The following PRIM2 variants were observed in gnomAD, a reference collection of about 807,000 sequenced individuals.
PRIM2 encodes DNA primase large subunit.
PRIM2 carries 39 observed loss-of-function variants against 67.3 expected under a neutral mutation model. The ratio of observed to expected loss-of-function variants is 0.58; its 90% CI spans 0.45 to 0.76. The LOEUF is 0.76. Ranked by LOEUF, PRIM2 falls within the 30% of genes least tolerant of loss-of-function variation. PRIM2 has a pLI of 0.00. For synonymous variants in PRIM2, 143 were observed against 198.7 expected (o/e 0.72, Z 2.36); for missense variants, 398 against 598.7 (o/e 0.66, Z 3.50).
intron 7 of PRIM2, among the ~76,000 whole-genome samples, chr6:57,397,452 G>A (rs544218643): frequency 1.3e-5 from 2 of 152,074 alleles, no homozygotes; most frequent in Admixed American, 1.3e-4. Flanking sequence ...TACTTGTTCA[G>A]TTCTATTTGC....
intron 5 of PRIM2, among the ~76,000 whole-genome samples, chr6:57,361,124 G>A (rs5004237): frequency 8.5e-5 from 13 of 152,238 alleles, no homozygotes; most frequent in Admixed American, 6.6e-4. Context: ...TCTCAAGGCT[G>A]ATAGGAGCTC....
the PRIM2 span, among the ~76,000 whole-genome samples, chr6:57,251,399 G>T: frequency 3.3e-5 from 5 of 152,322 alleles, no homozygotes; most frequent in Admixed American, 3.3e-4. Context: ...TCCGTCTAAT[G>T]CAGGTTGGCA....
At chr6:57,581,198 G>T (rs1776078795) in intron 10 of PRIM2, among the ~76,000 whole-genome samples, 1 of 152,130 alleles carries the variant, frequency 6.6e-6, no homozygotes, top group Non-Finnish European at 1.5e-5. Context: ...TTTCTGTGGA[G>T]TGAAAAGACC....
chr6:57,570,783 T>C (rs1377709929), intron 10 of PRIM2, among the ~76,000 whole-genome samples: 19 of 152,340 alleles, frequency 1.2e-4, no homozygotes, highest in Admixed American at 1.0e-3. Flanking sequence ...AATTTTGCAG[T>C]CACTATTTTA....
At chr6:57,358,657 A>G (rs1423543668) in intron 5 of PRIM2, among the ~76,000 whole-genome samples, 1 of 152,250 alleles carries the variant, frequency 6.6e-6, no homozygotes, top group East Asian at 1.9e-4. Flanking sequence ...AGTGTTAAGA[A>G]TGAAAATAAT....
intron 7 of PRIM2, among the ~76,000 whole-genome samples, chr6:57,472,590 T>C (rs1773363704): frequency 6.6e-6 from 1 of 152,210 alleles, no homozygotes; most frequent in Admixed American, 6.5e-5. Flanking sequence ...TACTTGTATC[T>C]TTAAATTTTT....
chr6:57,385,247 TTAAGAA>T lies in PRIM2; in HGVS notation c.693+3080_693+3085del, dbSNP rs1770101666. Among the ~76,000 whole-genome samples, 12 of 152,342 alleles carry T rather than the reference TTAAGAA, an allele frequency of 7.9e-5. No homozygotes were observed. The South Asian group carries it at 8.3e-4, about 11-fold the overall frequency. ...TGCACCTAAGCTTTCTACCTTGTTG[TTAAGAA>T]ATAAGAGTATTTATGAACTTTGAAT... On this transcript the variant is annotated intron_variant, in intron 7 of 13. Coordinates refer to ENST00000615550, the MANE Select transcript of PRIM2 (RefSeq NM_000947.5).
rs1267897988 is a variant in PRIM2, at chr6:57,633,093, G to A, written c.1299+892G>A. On this transcript the variant is annotated intron_variant, in intron 13 of 13. Transcript: ENST00000615550. Reference sequence around the variant, plus strand: ...GCCTGAGATTAGTACAACAGAGTACGGCAGAATTATGGTGCACTAAACATG... The same window carrying A: ...GCCTGAGATTAGTACAACAGAGTACAGCAGAATTATGGTGCACTAAACATG... Among the ~76,000 whole-genome samples, 250 of 152,298 alleles carry A rather than the reference G, an allele frequency of 1.6e-3. 4 individuals are homozygous for A. The East Asian group carries it at 0.019, about 11-fold the overall frequency.
the PRIM2 span, among the ~76,000 whole-genome samples, chr6:57,238,824 A>G: frequency 7.9e-5 from 12 of 152,204 alleles, no homozygotes; most frequent in African/African-American, 2.9e-4. Context: ...TAGCAAGACT[A>G]ATAAAGCAGA....
intron 7 of PRIM2, among the ~76,000 whole-genome samples, chr6:57,384,442 C>T (rs1324813781): frequency 6.6e-6 from 1 of 152,116 alleles, no homozygotes; most frequent in Non-Finnish European, 1.5e-5. Context: ...TCCAGTGTGA[C>T]CTCATTGTAA....
chr6:57,503,813 A>G (rs1434064637), intron 7 of PRIM2, among the ~76,000 whole-genome samples: 1 of 152,110 alleles, frequency 6.6e-6, no homozygotes, highest in Non-Finnish European at 1.5e-5. Context: ...GTGTTATAGT[A>G]TATCTTGAGA....
intron 8 of PRIM2, among the ~76,000 whole-genome samples, chr6:57,507,878 A>G (rs1774281986): frequency 6.6e-6 from 1 of 152,218 alleles, no homozygotes; most frequent in Non-Finnish European, 1.5e-5. Flanking sequence ...AGGAAAGGAA[A>G]AGGAAAAACC....
At chr6:57,315,374 A>G (rs1000578176), upstream of PRIM2, among the ~76,000 whole-genome samples, 1 of 152,172 alleles carries the variant, frequency 6.6e-6, no homozygotes, top group African/African-American at 2.4e-5. Flanking sequence ...AGAAGTTCTT[A>G]ATCTTGATCT....
chr6:57,597,805 G>T (rs1295392471), intron 10 of PRIM2, among the ~76,000 whole-genome samples: 2 of 152,076 alleles, frequency 1.3e-5, no homozygotes, highest in African/African-American at 4.8e-5. Context: ...TTAAAAGAGG[G>T]GGGATTTACC....
chr6:57,229,484 T>A, the PRIM2 span, among the ~76,000 whole-genome samples: 13,191 of 82,480 alleles, frequency 0.16, 629 homozygotes, highest in South Asian at 0.38. Flanking sequence ...TTAATTCTTT[T>A]TTTATTTATT....
At chr6:57,586,650 G>C (rs1776193309) in intron 10 of PRIM2, among the ~76,000 whole-genome samples, 1 of 152,176 alleles carries the variant, frequency 6.6e-6, no homozygotes, top group African/African-American at 2.4e-5. Flanking sequence ...TAGGAATTCT[G>C]ATTTCTCACA....
chr6:57,248,545 T>C, the PRIM2 span, among the ~76,000 whole-genome samples: 1 of 152,198 alleles, frequency 6.6e-6, no homozygotes, highest in Non-Finnish European at 1.5e-5. Flanking sequence ...CTTAAGAGCA[T>C]AGGTAACAGA....
At chr6:57,336,079 C>T (rs1398929479) in intron 5 of PRIM2, among the ~76,000 whole-genome samples, 11 of 151,880 alleles carry the variant, frequency 7.2e-5, no homozygotes, top group African/African-American at 1.2e-4. Context: ...CCTCAGGAGC[C>T]GATGCGATCA....
intron 5 of PRIM2, among the ~76,000 whole-genome samples, chr6:57,360,302 T>C (rs889130723): frequency 6.6e-6 from 1 of 152,196 alleles, no homozygotes; most frequent in Non-Finnish European, 1.5e-5. Context: ...TTATACAGGC[T>C]TCTTAATTTT....
Sources: gnomAD v4.1 joint callset for allele counts (sites outside exome capture counted in the v4.1 genomes callset) on GRCh38, gnomAD v4.1.1 for gene constraint, MANE v1.5 for transcripts, NCBI Gene and HGNC (gene_info 2026-07-23, HGNC 2026-07-21) for gene names.